Variants in WFDC8 observed in about 807,000 individuals in gnomAD.
WFDC8 encodes the protein WAP four-disulfide core domain 8, also known as WAP four-disulfide core domain protein 8.
Under a neutral mutation model 27.0 loss-of-function variants are expected in WFDC8, and 24 were observed. That is an observed-to-expected ratio of 0.89 (90% CI 0.64 to 1.25). The LOEUF (loss-of-function observed/expected upper bound fraction) is 1.25. WFDC8 is among the 50% of genes most tolerant of loss of function. The pLI is 0.00. For synonymous variants in WFDC8, 106 were observed against 99.7 expected, an observed-to-expected ratio of 1.06 and a Z score of -0.38; for missense variants, 287 against 295.9, an observed-to-expected ratio of 0.97 and a Z score of 0.22.
At position 45,551,768 on chromosome 20, in the gene WFDC8, C is replaced by T. The variant is rs1980042963; in HGVS notation, c.*258G>A. 1 of 346,236 alleles carries T rather than the reference C, an allele frequency of 2.9e-6. No individual in the cohort carries two copies. The highest frequency in any genetic ancestry group is 5.2e-6 in the Non-Finnish European group (1 of 192,278). The allele number at this position is 346,236 out of a possible 1,614,324, so 21.4% of individuals were successfully genotyped here. ...ATAAGGAACTAGACAAGGATGGATG[C>T]CATTGCCTTTATTTTCATTATTATT... On this transcript the variant is annotated 3_prime_UTR_variant, in exon 6 of 6. Coordinates refer to ENST00000289953, the MANE Select transcript of WFDC8 (RefSeq NM_130896.3).
At position 45,553,286 on chromosome 20, in the gene WFDC8, G is replaced by A. The variant is rs560169141; in HGVS notation, c.446-10C>T. 1.2e-5 allele frequency: 19 copies of A among 1,608,088 alleles called. No homozygotes were observed. In the Middle Eastern group the frequency reaches 5.0e-4, roughly 42 times the overall value. On this transcript the variant is annotated splice_polypyrimidine_tract_variant and intron_variant, in intron 4 of 5. Transcript: ENST00000289953. ...CATTGTCCATCCTTAACTAAAATAAGAGCAGATGTGAGCTTCTTAAAACCC... is the reference window on the plus strand; with the variant it reads ...CATTGTCCATCCTTAACTAAAATAAAAGCAGATGTGAGCTTCTTAAAACCC...
chr20:45,564,231 G>A (rs1454194105), intron 1 of WFDC8, among the ~76,000 whole-genome samples: 1 of 152,102 alleles, frequency 6.6e-6, no homozygotes. Flanking sequence ...GACAGACCTG[G>A]AATACTAGGA....
chr20:45,562,334 G>T, intron 1 of WFDC8, 115 bp from the exon 2 acceptor site: 2 of 777,508 alleles, frequency 2.6e-6, no homozygotes, highest in Non-Finnish European at 2.2e-6. Context: ...CAGGTAAGAA[G>T]ACTGACACCA....
downstream of WFDC8, chr20:45,551,413 A>T (rs1371010412): frequency 2.6e-5 from 4 of 152,156 alleles, no homozygotes; most frequent in Non-Finnish European, 5.9e-5. Context: ...GGATCACCTG[A>T]GGTCAGGAGT....
chr20:45,571,914 T>C (rs1216447892), intron 1 of WFDC8, among the ~76,000 whole-genome samples: 1 of 152,216 alleles, frequency 6.6e-6, no homozygotes, highest in Non-Finnish European at 1.5e-5. Context: ...TCTTGGCTAT[T>C]GTGAGTAATG....
rs1383927056 is a variant in WFDC8 at position 45,562,144 on chromosome 20, C to T, written c.102G>A (p.Glu34=). 6.2e-7 allele frequency: 1 copy of T among 1,613,992 alleles called. No individual in the cohort carries two copies. Among genetic ancestry groups the T allele is most frequent in the African/African-American group, 1.3e-5 (1 of 74,892 alleles). ...TCTTGGTCAGCATTGCAGAAGTCCA[C>T]TCCAAAGCAAGGGAGAGAAGCAGCA... is the stretch of plus-strand genomic sequence containing the variant. ...AFLLLLSLAL[E]WTSAMLTKKI... Residue 34 remains glutamate (E), a synonymous_variant, in exon 2 of 6, where the codon GAG becomes GAA. Transcript: ENST00000289953.
intron 3 of WFDC8, among the ~76,000 whole-genome samples, chr20:45,558,411 G>T (rs560289290): frequency 1.6e-4 from 25 of 152,312 alleles, no homozygotes; most frequent in African/African-American, 5.5e-4. Context: ...ATGAATAAAT[G>T]TATGAGTGAG....
chr20:45,564,674 CA>C (rs59225489), intron 1 of WFDC8, among the ~76,000 whole-genome samples: 48,630 of 119,476 alleles, frequency 0.41, 8,705 homozygotes, highest in Non-Finnish European at 0.46. Flanking sequence ...GACTCTGTCT[CA>C]AAAAAAAAAA....
chr20:45,558,832 C>T lies in WFDC8; in HGVS notation c.277+20G>A, dbSNP rs368551675. The stretch of plus-strand genomic sequence containing the variant: ...GAGCAAGAAGTGGGGAACCTCTGTC[C>T]TCAGCCTGGACATCGCTACCTTGAA... On this transcript the variant is annotated intron_variant, in intron 3 of 5. Transcript: ENST00000289953. 8 of 1,613,636 alleles carry T rather than the reference C, an allele frequency of 5.0e-6. No individual in the cohort carries two copies. In the African/African-American group the frequency reaches 9.3e-5, roughly 19 times the overall value.
chr20:45,559,185 T>C (rs1323973113), intron 2 of WFDC8, among the ~76,000 whole-genome samples, 193 bp from the exon 3 acceptor site: 1 of 152,142 alleles, frequency 6.6e-6, no homozygotes, highest in Non-Finnish European at 1.5e-5. Context: ...GAATCAGGAA[T>C]TTGTGTCCAA....
chr20:45,562,212 G>A lies in WFDC8; in HGVS notation c.34C>T (p.Pro12Ser), dbSNP rs755794625. ...WTVRTEGGHF[P>S]LHSPTFSWRN... is the part of the protein sequence containing the mutation. Reference sequence around the variant, plus strand: ...CAGGAGAAGGTGGGGCTATGGAGAGGAAAGTGCCTGTATGGATGAGAAGAG... The same window carrying A: ...CAGGAGAAGGTGGGGCTATGGAGAGAAAAGTGCCTGTATGGATGAGAAGAG... Residue 12 changes from proline to serine, a missense_variant, in exon 2 of 6, where the codon CCT (proline) becomes TCT (serine). Physicochemically the swap from Pro to Ser is moderately conservative, Grantham distance 74. Transcript: ENST00000289953. 1 of 1,614,020 alleles carries A rather than the reference G, an allele frequency of 6.2e-7. No homozygotes were observed. Among genetic ancestry groups the A allele is most frequent in the East Asian group, 2.2e-5 (1 of 44,882 alleles).
chr20:45,555,274 T>C (rs1243510820), intron 4 of WFDC8, among the ~76,000 whole-genome samples: 1 of 152,140 alleles, frequency 6.6e-6, no homozygotes, highest in Admixed American at 6.6e-5. Flanking sequence ...CACCCCACCC[T>C]ACTCTCCACC....
At chr20:45,552,871 G>C (rs1373423202) in intron 5 of WFDC8, among the ~76,000 whole-genome samples, 1 of 152,188 alleles carries the variant, frequency 6.6e-6, no homozygotes, top group Non-Finnish European at 1.5e-5. Flanking sequence ...GCAAGTCATT[G>C]AGGAATGAGT....
chr20:45,553,167 C>A lies in WFDC8; in HGVS notation c.555G>T (p.Arg185Ser), dbSNP rs536367873. The A allele has an allele frequency of 7.4e-6, 12 of 1,613,764 alleles. No homozygotes were observed. The highest frequency in any genetic ancestry group is 1.1e-5 in the South Asian group (1 of 91,046). Residue 185 changes from arginine to serine, a missense_variant, in exon 5 of 6, where the codon AGG becomes AGT. By Grantham distance (110) the Arg-to-Ser change is moderately radical. Transcript: ENST00000289953. The stretch of plus-strand genomic sequence containing the variant: ...AGGCCCTGGCACAAACAAAGCCACA[C>A]CTGGATTCACAACATTTGTCTGTCT... ...CPQTDKCCES[R>S]CGFVCARAWT...
At chr20:45,553,384 T>C (rs1308411377) in intron 4 of WFDC8, 108 bp from the exon 5 acceptor site, 1 of 1,387,256 alleles carries the variant, frequency 7.2e-7, no homozygotes, top group Non-Finnish European at 9.6e-7. Flanking sequence ...GCAACTTGGT[T>C]CACCCTACCC....
At chr20:45,573,257 A>T (rs1376884098) in intron 1 of WFDC8, among the ~76,000 whole-genome samples, 1 of 152,160 alleles carries the variant, frequency 6.6e-6, no homozygotes, top group East Asian at 1.9e-4. Flanking sequence ...CAGCCATTGC[A>T]GTTAGATCTT....
chr20:45,565,591 C>T (rs1980649384), intron 1 of WFDC8, among the ~76,000 whole-genome samples: 2 of 152,026 alleles, frequency 1.3e-5, no homozygotes, highest in African/African-American at 4.8e-5. Context: ...GAATTCCAAA[C>T]AAAGGAACAA....
intron 1 of WFDC8, among the ~76,000 whole-genome samples, chr20:45,574,708 G>T (rs1021473401): frequency 2.6e-4 from 39 of 152,194 alleles, no homozygotes; most frequent in Admixed American, 1.2e-3. Flanking sequence ...TGAGGCACAA[G>T]AATTACTTGA....
intron 3 of WFDC8, 77 bp downstream of exon 3, chr20:45,558,775 A>C: frequency 1.3e-6 from 2 of 1,571,926 alleles, no homozygotes; most frequent in Non-Finnish European, 1.7e-6. Context: ...TTGTCCTGCC[A>C]TCCAAGGGAA....
Sources: allele counts gnomAD v4.1 joint callset (sites outside exome capture counted in the v4.1 genomes callset), GRCh38; gene constraint gnomAD v4.1.1; transcripts MANE v1.5; gene names NCBI Gene and HGNC (gene_info 2026-07-23, HGNC 2026-07-21).